PPM1E: variants seen among roughly 807,000 people sequenced by gnomAD.
The protein encoded by PPM1E is protein phosphatase, Mg2+/Mn2+ dependent 1E.
In PPM1E, 20 loss-of-function variants were observed where a neutral mutation model predicts 65.9. That is an observed-to-expected ratio of 0.30 (90% confidence interval 0.21 to 0.44). PPM1E has a LOEUF of 0.44. Ranked by LOEUF, PPM1E falls within the 20% of genes least tolerant of loss-of-function variation. PPM1E has a pLI of 1.00. For missense variants in PPM1E, 713 were observed against 953.1 expected (o/e 0.75, Z 3.32); for synonymous variants, 352 against 374.9 (o/e 0.94, Z 0.70).
rs185898775 is a variant in PPM1E at position 58,768,990 on chromosome 17, T to A, written c.464+12529T>A. The stretch of plus-strand genomic sequence containing the variant: ...GGCCTATTGCTGTTTATTAAAAACA[T>A]AATTTAGAATCCAGAAATTCTTTAA... On this transcript the variant is annotated intron_variant, in intron 1 of 6. Coordinates refer to ENST00000308249, the MANE Select transcript of PPM1E (RefSeq NM_014906.5). 2.5e-3 allele frequency among the ~76,000 whole-genome samples: 375 copies of A among 152,218 alleles called. 2 individuals are homozygous for A. The highest frequency in any genetic ancestry group is 8.7e-3 in the African/African-American group (362 of 41,556).
chr17:58,835,262 G>A (rs62083374), intron 1 of PPM1E, among the ~76,000 whole-genome samples: 1 of 152,110 alleles, frequency 6.6e-6, no homozygotes, highest in Non-Finnish European at 1.5e-5. Context: ...GATTGATTGA[G>A]TCTGGGAGGT....
At position 58,848,004 on chromosome 17, in the gene PPM1E, T is replaced by A. The variant is rs115786376; in HGVS notation, c.464+91543T>A. Reference sequence around the variant, plus strand: ...TCCTTCACATCCCTTGTAATTGGATTTCCAGGTTTTTTATTCTCTTTGAAG... The same window carrying A: ...TCCTTCACATCCCTTGTAATTGGATATCCAGGTTTTTTATTCTCTTTGAAG... On this transcript the variant is annotated intron_variant, in intron 1 of 6. Coordinates refer to ENST00000308249, the MANE Select transcript of PPM1E (RefSeq NM_014906.5). 4.8e-3 allele frequency among the ~76,000 whole-genome samples: 737 copies of A among 152,302 alleles called. 17 individuals are homozygous for A. The highest frequency in any genetic ancestry group is 0.017 in the African/African-American group (692 of 41,552).
chr17:58,810,270 C>T (rs191120694), intron 1 of PPM1E, among the ~76,000 whole-genome samples: 1 of 151,948 alleles, frequency 6.6e-6, no homozygotes, highest in Admixed American at 6.6e-5. Context: ...TGCAGTGGTG[C>T]GATCTCAGCT....
chr17:58,791,039 G>C (rs542264697), intron 1 of PPM1E, among the ~76,000 whole-genome samples: 2 of 151,966 alleles, frequency 1.3e-5, no homozygotes, highest in East Asian at 3.9e-4. Flanking sequence ...ACAGGTGCCC[G>C]CCACCCTGCC....
rs528995799 is a variant in PPM1E at position 58,867,226 on chromosome 17, C to A, written c.465-88423C>A. Reference sequence around the variant, plus strand: ...AACTCCTGACCTCATGATCTGCCTGCCTTGGCCTCCCAAAGTGCTGGGATT... The same window carrying A: ...AACTCCTGACCTCATGATCTGCCTGACTTGGCCTCCCAAAGTGCTGGGATT... On this transcript the variant is annotated intron_variant, in intron 1 of 6. Transcript: ENST00000308249. Among the ~76,000 whole-genome samples, 7 of 152,332 alleles carry A rather than the reference C, an allele frequency of 4.6e-5. No individual in the cohort carries two copies. The East Asian group carries it at 7.7e-4, about 17-fold the overall frequency.
intron 1 of PPM1E, among the ~76,000 whole-genome samples, chr17:58,800,276 T>G (rs1221420295): frequency 6.6e-6 from 1 of 152,188 alleles, no homozygotes; most frequent in Non-Finnish European, 1.5e-5. Flanking sequence ...TCTCATTTAG[T>G]CATGATGTGT....
chr17:58,964,746 T>C (rs1029861998), intron 2 of PPM1E, among the ~76,000 whole-genome samples: 8 of 152,036 alleles, frequency 5.3e-5, no homozygotes, highest in African/African-American at 1.9e-4. Context: ...ACAAATAATA[T>C]CAAACAGAAA....
intron 1 of PPM1E, among the ~76,000 whole-genome samples, chr17:58,817,116 C>A (rs1389133860): frequency 4.6e-5 from 7 of 151,650 alleles, no homozygotes; most frequent in African/African-American, 1.7e-4. Flanking sequence ...TTTTAAATTA[C>A]TGAATAATTT....
intron 1 of PPM1E, among the ~76,000 whole-genome samples, chr17:58,829,326 G>A (rs1196018043): frequency 2.0e-5 from 3 of 152,200 alleles, no homozygotes; most frequent in African/African-American, 7.2e-5. Flanking sequence ...ACAGGCGTGA[G>A]CCACCGTGCC....
At chr17:58,856,281 C>G (rs1465091421) in intron 1 of PPM1E, among the ~76,000 whole-genome samples, 1 of 151,718 alleles carries the variant, frequency 6.6e-6, no homozygotes, top group African/African-American at 2.4e-5. Flanking sequence ...CTATTGTTGC[C>G]GAGGCTGTAA....
At chr17:58,827,439 T>C (rs1327699748) in intron 1 of PPM1E, among the ~76,000 whole-genome samples, 1 of 151,988 alleles carries the variant, frequency 6.6e-6, no homozygotes, top group Non-Finnish European at 1.5e-5. Flanking sequence ...GTGCTGGGAT[T>C]ACAAGCATGA....
chr17:58,950,777 CTTTT>C (rs1036026350), intron 1 of PPM1E, among the ~76,000 whole-genome samples: 1 of 119,894 alleles, frequency 8.3e-6, no homozygotes, highest in African/African-American at 3.0e-5. Flanking sequence ...CTGTTTGGTT[CTTTT>C]TTTTTTTTTT....
At chr17:58,818,688 T>G (rs545473608) in intron 1 of PPM1E, among the ~76,000 whole-genome samples, 1 of 152,332 alleles carries the variant, frequency 6.6e-6, no homozygotes, top group East Asian at 1.9e-4. Context: ...GGTTTAAATT[T>G]ATTACTGACA....
At chr17:58,955,788 T>G (rs779851644) in intron 2 of PPM1E, 21 bp downstream of exon 2, 14 of 1,564,864 alleles carry the variant, frequency 8.9e-6, no homozygotes, top group Non-Finnish European at 1.2e-5. Context: ...TTCTACATTA[T>G]TTGTTTAAAA....
chr17:58,885,267 G>A (rs2051252251), intron 1 of PPM1E, among the ~76,000 whole-genome samples: 1 of 152,168 alleles, frequency 6.6e-6, no homozygotes, highest in South Asian at 2.1e-4. Flanking sequence ...ATGTTGGCCA[G>A]GCTGGTCTCA....
chr17:58,898,253 C>CAA (rs1346932052), intron 1 of PPM1E, among the ~76,000 whole-genome samples: 29 of 65,882 alleles, frequency 4.4e-4, no homozygotes, highest in African/African-American at 1.2e-3. Context: ...GACTGCGTCT[C>CAA]AAAAAAAAAA....
chr17:58,768,239 A>T (rs925049238), intron 1 of PPM1E, among the ~76,000 whole-genome samples: 1 of 152,108 alleles, frequency 6.6e-6, no homozygotes, highest in Non-Finnish European at 1.5e-5. Flanking sequence ...GGCATGAGCC[A>T]CTGTGCCCTG....
At chr17:58,768,680 A>AT (rs996223256) in intron 1 of PPM1E, among the ~76,000 whole-genome samples, 3 of 151,922 alleles carry the variant, frequency 2.0e-5, no homozygotes, top group African/African-American at 7.2e-5. Flanking sequence ...ATTTTATTTT[A>AT]TTTTTTGAGA....
intron 1 of PPM1E, among the ~76,000 whole-genome samples, chr17:58,885,565 TA>T (rs1248444180): frequency 6.6e-6 from 1 of 152,178 alleles, no homozygotes; most frequent in Admixed American, 6.5e-5. Flanking sequence ...TAATTATTAT[TA>T]TGAAGAGGAT....
Sources: gnomAD v4.1 joint callset for allele counts (sites outside exome capture counted in the v4.1 genomes callset) on GRCh38, gnomAD v4.1.1 for gene constraint, MANE v1.5 for transcripts, NCBI Gene and HGNC (gene_info 2026-07-23, HGNC 2026-07-21) for gene names.